DSCAM: variants seen among roughly 807,000 people sequenced by gnomAD.
The protein encoded by DSCAM is DS cell adhesion molecule.
A neutral mutation model predicts 217.7 loss-of-function variants in DSCAM; 47 were observed. The observed-to-expected ratio is 0.22, with a 90% confidence interval of 0.17 to 0.28. The LOEUF (loss-of-function observed/expected upper bound fraction) is 0.28, where lower values mean the gene tolerates loss of function less well. Ranked by LOEUF, DSCAM falls within the 10% of genes least tolerant of loss-of-function variation. The pLI, the probability that DSCAM is intolerant of heterozygous loss-of-function variation, is 1.00. For missense variants in DSCAM, 2,080 were observed against 2,618.3 expected, an observed-to-expected ratio of 0.79 and a Z score of 4.49; for synonymous variants, 1,056 against 1,015.3, an observed-to-expected ratio of 1.04 and a Z score of -0.76.
intron 3 of DSCAM, among the ~76,000 whole-genome samples, chr21:40,603,188 C>G (rs1479806383): frequency 1.3e-5 from 2 of 151,924 alleles, no homozygotes. Flanking sequence ...ATAATCAAGA[C>G]CATATTTTAT....
rs543086710 is a variant in DSCAM, at chr21:40,838,311, C to G, written c.43+8308G>C. Among the ~76,000 whole-genome samples, 9 of 152,334 alleles carry G rather than the reference C, an allele frequency of 5.9e-5. No individual in the cohort carries two copies. In the South Asian group the frequency reaches 1.7e-3, roughly 28 times the overall value. On this transcript the variant is annotated intron_variant, in intron 1 of 32. Coordinates refer to ENST00000400454, the MANE Select transcript of DSCAM (RefSeq NM_001389.5). Reference sequence around the variant, plus strand: ...TAAGAGAGTCCACTGCAATCACCCACCTGAAGTGGCATGGATGGCTCTTCA... The same window carrying G: ...TAAGAGAGTCCACTGCAATCACCCAGCTGAAGTGGCATGGATGGCTCTTCA...
At chr21:40,422,623 T>TA (rs1278981563) in intron 3 of DSCAM, among the ~76,000 whole-genome samples, 4 of 152,168 alleles carry the variant, frequency 2.6e-5, no homozygotes, top group African/African-American at 9.7e-5. Flanking sequence ...GCCTGGGTGA[T>TA]AGAGTGAGAC....
At chr21:40,511,605 T>C (rs1453134385) in intron 3 of DSCAM, among the ~76,000 whole-genome samples, 2 of 152,178 alleles carry the variant, frequency 1.3e-5, no homozygotes, top group Admixed American at 6.6e-5. Flanking sequence ...ATTTTATAAT[T>C]CTTTATAGAG....
At chr21:40,807,747 G>A (rs2091800930) in intron 1 of DSCAM, among the ~76,000 whole-genome samples, 1 of 152,174 alleles carries the variant, frequency 6.6e-6, no homozygotes, top group South Asian at 2.1e-4. Flanking sequence ...CAGGAGACAA[G>A]AGAAGAGAGA....
At chr21:40,624,842 C>T (rs2089577978) in intron 3 of DSCAM, among the ~76,000 whole-genome samples, 1 of 152,152 alleles carries the variant, frequency 6.6e-6, no homozygotes, top group Non-Finnish European at 1.5e-5. Flanking sequence ...ATCTCCAATA[C>T]ATTTTGAAAG....
chr21:40,483,742 G>A (rs1160157825), intron 3 of DSCAM, among the ~76,000 whole-genome samples: 1 of 152,140 alleles, frequency 6.6e-6, no homozygotes, highest in Non-Finnish European at 1.5e-5. Context: ...CCCTGGAATA[G>A]ATTAGTGTGC....
intron 3 of DSCAM, among the ~76,000 whole-genome samples, chr21:40,649,239 A>G (rs2089985858): frequency 6.6e-6 from 1 of 152,076 alleles, no homozygotes; most frequent in South Asian, 2.1e-4. Flanking sequence ...TCCCAACCCC[A>G]ATTCCTCAAG....
intron 3 of DSCAM, among the ~76,000 whole-genome samples, chr21:40,467,167 C>A (rs745653670): frequency 6.6e-6 from 1 of 152,152 alleles, no homozygotes. Context: ...CTTATAGAAA[C>A]AACAAATTTA....
intron 11 of DSCAM, among the ~76,000 whole-genome samples, chr21:40,247,521 T>C (rs2073242848): frequency 6.6e-6 from 1 of 152,142 alleles, no homozygotes; most frequent in African/African-American, 2.4e-5. Context: ...AGCAGGGCAG[T>C]CAAATCTTAA....
intron 32 of DSCAM, among the ~76,000 whole-genome samples, chr21:40,023,506 TTC>T (rs1483937769): frequency 7.0e-6 from 1 of 143,396 alleles, no homozygotes; most frequent in Non-Finnish European, 1.5e-5. Flanking sequence ...GTGTTCCTAT[TTC>T]TCCACATCCT....
chr21:40,646,133 A>C (rs990148973), intron 3 of DSCAM, among the ~76,000 whole-genome samples: 1 of 152,192 alleles, frequency 6.6e-6, no homozygotes, highest in Non-Finnish European at 1.5e-5. Flanking sequence ...AATCCTGAAA[A>C]TCACTAAAAG....
intron 20 of DSCAM, among the ~76,000 whole-genome samples, chr21:40,100,048 A>G (rs1329039507): frequency 3.3e-5 from 5 of 152,196 alleles, no homozygotes; most frequent in African/African-American, 9.6e-5. Flanking sequence ...AAGGATGCCT[A>G]CTGGTTGACC....
intron 16 of DSCAM, among the ~76,000 whole-genome samples, chr21:40,146,799 C>T (rs11088510): frequency 0.47 from 72,016 of 152,014 alleles, 19,691 homozygotes; most frequent in South Asian, 0.63. Flanking sequence ...CCTCTGAATC[C>T]ACAGATGTGC....
At chr21:40,515,493 T>A (rs1183313198) in intron 3 of DSCAM, among the ~76,000 whole-genome samples, 1 of 152,094 alleles carries the variant, frequency 6.6e-6, no homozygotes, top group African/African-American at 2.4e-5. Context: ...CATTATCTTC[T>A]GAGAACAAGG....
At chr21:40,428,176 T>C (rs1205855634) in intron 3 of DSCAM, among the ~76,000 whole-genome samples, 2 of 151,950 alleles carry the variant, frequency 1.3e-5, no homozygotes, top group Admixed American at 1.3e-4. Flanking sequence ...ATTTACTTAC[T>C]CTTCATTCTC....
chr21:40,344,552 G>A (rs1031563978), intron 6 of DSCAM, among the ~76,000 whole-genome samples: 5 of 152,116 alleles, frequency 3.3e-5, no homozygotes, highest in African/African-American at 1.2e-4. Flanking sequence ...GCAGGGCTGT[G>A]TCTTTGTTTT....
At chr21:40,593,320 CT>C (rs66528850) in intron 3 of DSCAM, among the ~76,000 whole-genome samples, 38 of 145,854 alleles carry the variant, frequency 2.6e-4, no homozygotes, top group African/African-American at 5.8e-4. Context: ...TGATGTTTCT[CT>C]TTTTTTTTTT....
Position 40,291,080 on chromosome 21 carries a change from T to C in DSCAM, c.2182+4975A>G, listed in dbSNP as rs1473682346. ...CCACAGGTCTGCCCTCCTGGAGTCG[T>C]CCTGTCTGTCACCGGCACTTCCACT... On this transcript the variant is annotated intron_variant, in intron 10 of 32. Coordinates refer to ENST00000400454, the MANE Select transcript of DSCAM (RefSeq NM_001389.5). 2.0e-5 allele frequency among the ~76,000 whole-genome samples: 3 copies of C among 152,176 alleles called. No individual in the cohort carries two copies. In the East Asian group the frequency reaches 5.8e-4, roughly 29 times the overall value.
intron 3 of DSCAM, among the ~76,000 whole-genome samples, chr21:40,674,626 CTTTTTCTT>C (rs1379454438): frequency 2.6e-4 from 27 of 105,848 alleles, no homozygotes; most frequent in East Asian, 5.8e-4. Flanking sequence ...TTTTCTTTTT[CTTTTTCTT>C]TTTTTTTTTT....
Sources: allele counts gnomAD v4.1 joint callset (sites outside exome capture counted in the v4.1 genomes callset), GRCh38; gene constraint gnomAD v4.1.1; transcripts MANE v1.5; gene names NCBI Gene and HGNC (gene_info 2026-07-23, HGNC 2026-07-21).